Variants in EPHA5 observed in about 807,000 individuals in gnomAD.
EPHA5 encodes the protein ephrin type-A receptor 5.
In EPHA5, 60 loss-of-function variants were observed where a neutral mutation model predicts 105.0. The observed-to-expected ratio is 0.57, with a 90% confidence interval of 0.46 to 0.71. EPHA5 has a LOEUF of 0.71. Among genes scored for constraint, EPHA5 ranks in the 30% least tolerant of loss-of-function variants. EPHA5 has a pLI of 0.00. For missense variants in EPHA5, 1,218 were observed against 1,274.7 expected, an observed-to-expected ratio of 0.96 and a Z score of 0.68; for synonymous variants, 513 against 449.1, an observed-to-expected ratio of 1.14 and a Z score of -1.80.
chr4:65,361,630 A>G (rs1227671967), intron 11 of EPHA5, among the ~76,000 whole-genome samples: 1 of 151,688 alleles, frequency 6.6e-6, no homozygotes, highest in East Asian at 1.9e-4. Context: ...AATATATTTG[A>G]AAGATAATTA....
At chr4:65,498,710 A>C (rs983244032) in intron 3 of EPHA5, among the ~76,000 whole-genome samples, 2 of 151,816 alleles carry the variant, frequency 1.3e-5, no homozygotes, top group Non-Finnish European at 3.0e-5. Context: ...TACTGGTGCC[A>C]TTTTCTCAGA....
At chr4:65,336,976 A>C (rs1721245951) in intron 14 of EPHA5, among the ~76,000 whole-genome samples, 1 of 152,066 alleles carries the variant, frequency 6.6e-6, no homozygotes, top group African/African-American at 2.4e-5. Flanking sequence ...ATATTTCTTT[A>C]ACAATTAGTC....
intron 3 of EPHA5, among the ~76,000 whole-genome samples, chr4:65,535,216 G>A (rs1368388575): frequency 6.6e-6 from 1 of 152,098 alleles, no homozygotes; most frequent in Admixed American, 6.6e-5. Context: ...TTAATATCAT[G>A]TAATTGCTAA....
intron 3 of EPHA5, among the ~76,000 whole-genome samples, chr4:65,541,515 T>A (rs1736832064): frequency 6.6e-6 from 1 of 151,902 alleles, no homozygotes; most frequent in African/African-American, 2.4e-5. Flanking sequence ...GGGCATTACA[T>A]AATGGTAAAG....
intron 1 of EPHA5, among the ~76,000 whole-genome samples, chr4:65,661,219 T>C (rs750044610): frequency 6.6e-6 from 1 of 152,168 alleles, no homozygotes; most frequent in African/African-American, 2.4e-5. Context: ...ACCATGTTTG[T>C]TTTTTAATTC....
intron 3 of EPHA5, among the ~76,000 whole-genome samples, chr4:65,531,672 G>C (rs1480782915): frequency 6.6e-6 from 1 of 150,958 alleles, no homozygotes; most frequent in African/African-American, 2.4e-5. Flanking sequence ...TGATCATAAA[G>C]AGGATATACT....
At chr4:65,637,703 A>G (rs1747273088) in intron 2 of EPHA5, among the ~76,000 whole-genome samples, 1 of 151,226 alleles carries the variant, frequency 6.6e-6, no homozygotes, top group African/African-American at 2.4e-5. Context: ...GACTGCCAAC[A>G]CTGTGTCAAG....
At chr4:65,615,229 G>A (rs1338609299) in intron 2 of EPHA5, among the ~76,000 whole-genome samples, 1 of 151,568 alleles carries the variant, frequency 6.6e-6, no homozygotes, top group Non-Finnish European at 1.5e-5. Flanking sequence ...GAAAAAAATG[G>A]CAGGTACAAT....
intron 3 of EPHA5, among the ~76,000 whole-genome samples, chr4:65,529,905 C>T (rs867600231): frequency 2.0e-5 from 3 of 151,798 alleles, no homozygotes; most frequent in Non-Finnish European, 4.4e-5. Flanking sequence ...AAAATAATAT[C>T]GAAATTATAC....
Position 65,645,605 on chromosome 4 carries a change from C to T in EPHA5, c.182-2178G>A, listed in dbSNP as rs114991745. ...TTGAATTAGGTTTAAACTAAATTAC[C>T]ATTTTTACCTTTTTTTTTTTTTCCT... is the stretch of plus-strand genomic sequence containing the variant. On this transcript the variant is annotated intron_variant, in intron 1 of 16. Coordinates refer to ENST00000613740, the MANE Select transcript of EPHA5 (RefSeq NM_001281766.3). Among the ~76,000 whole-genome samples the T allele has an allele frequency of 8.5e-3, 1,281 of 151,524 alleles. 22 individuals are homozygous for T. Among genetic ancestry groups the T allele is most frequent in the African/African-American group, 0.03 (1,229 of 41,374 alleles).
At chr4:65,367,447 T>C (rs200014105) in intron 8 of EPHA5, 23 bp from the exon 9 acceptor site, 135 of 1,609,008 alleles carry the variant, frequency 8.4e-5, no homozygotes, top group Non-Finnish European at 9.1e-5. Context: ...AAGCTAGAAT[T>C]AGCCACATCT....
intron 3 of EPHA5, among the ~76,000 whole-genome samples, chr4:65,557,282 T>C (rs1259512495): frequency 1.5e-5 from 2 of 132,054 alleles, no homozygotes; most frequent in Non-Finnish European, 3.2e-5. Flanking sequence ...TTATTAACAC[T>C]CCATCTTATT....
At chr4:65,351,195 G>A (rs1722779876) in intron 13 of EPHA5, among the ~76,000 whole-genome samples, 194 bp downstream of exon 13, 1 of 151,884 alleles carries the variant, frequency 6.6e-6, no homozygotes, top group South Asian at 2.1e-4. Context: ...ATATTCTAAA[G>A]TTAATATTTA....
rs1387511389 is a variant in EPHA5 at position 65,348,689 on chromosome 4, TATATATATAA to T, written c.2446-496_2446-487del. 6.9e-3 allele frequency among the ~76,000 whole-genome samples: 311 copies of T among 44,930 alleles called. 6 individuals carry two copies. The highest frequency in any genetic ancestry group is 0.052 in the East Asian group (71 of 1,370). 29.5% of individuals were successfully genotyped at this position (44,930 alleles called of 152,430 possible). On this transcript the variant is annotated intron_variant, in intron 13 of 16. Transcript: ENST00000613740. Reference sequence around the variant, plus strand: ...ATATATATATATATATATATATATATATATATATAAAATATATATGTGTGTGTATATATAT... The same window carrying T: ...ATATATATATATATATATATATATATAATATATATGTGTGTGTATATATAT...
intron 5 of EPHA5, among the ~76,000 whole-genome samples, chr4:65,450,849 A>C (rs138582038): frequency 6.6e-6 from 1 of 152,170 alleles, no homozygotes; most frequent in Non-Finnish European, 1.5e-5. Context: ...CAACTAATTC[A>C]TCAGTACAAA....
chr4:65,633,051 A>T (rs1017915550), intron 2 of EPHA5, among the ~76,000 whole-genome samples: 2 of 152,210 alleles, frequency 1.3e-5, no homozygotes, highest in Admixed American at 1.3e-4. Context: ...CCAAAGGACC[A>T]AAATTTCAGG....
In EPHA5 at chr4:65,579,391, A is replaced by T. The variant is rs928150235; in HGVS notation, c.910+22250T>A. Among the ~76,000 whole-genome samples, 361 of 146,640 alleles carry T rather than the reference A, an allele frequency of 2.5e-3. 2 individuals carry two copies. Among genetic ancestry groups the T allele is most frequent in the Admixed American group, 0.019 (272 of 14,570 alleles). On this transcript the variant is annotated intron_variant, in intron 3 of 16. Transcript: ENST00000613740. ...ATATATATATAAATATATATATATA[A>T]AATATTTATTCTAAACTGCCATTTG...
At chr4:65,386,113 A>G (rs76898924) in intron 8 of EPHA5, among the ~76,000 whole-genome samples, 1,740 of 152,010 alleles carry the variant, frequency 0.011, 37 homozygotes, top group African/African-American at 0.04. Flanking sequence ...AATAAACATT[A>G]CTAAAACACA....
intron 3 of EPHA5, among the ~76,000 whole-genome samples, chr4:65,582,690 AACTT>A (rs1741749082): frequency 6.6e-6 from 1 of 151,718 alleles, no homozygotes; most frequent in Admixed American, 6.6e-5. Context: ...CATTTCTTGC[AACTT>A]ACTTGCAGCT....
Sources: allele counts gnomAD v4.1 joint callset (sites outside exome capture counted in the v4.1 genomes callset), GRCh38; gene constraint gnomAD v4.1.1; transcripts MANE v1.5; gene names NCBI Gene and HGNC (gene_info 2026-07-23, HGNC 2026-07-21).